The following ADAMTSL1 variants were observed in gnomAD, a reference collection of about 807,000 sequenced individuals.
The protein encoded by ADAMTSL1 is ADAMTS like 1.
ADAMTSL1 carries 126 observed loss-of-function variants against 201.8 expected under a neutral mutation model. The observed-to-expected ratio is 0.62, with a 90% CI of 0.54 to 0.72. ADAMTSL1 has a LOEUF of 0.72. Ranked by LOEUF, ADAMTSL1 falls within the 30% of genes least tolerant of loss-of-function variation. The probability of loss-of-function intolerance (pLI) is 0.00; values close to 1 mark genes in which losing one functional copy is unlikely to be tolerated. For synonymous variants in ADAMTSL1, 1,121 were observed against 903.4 expected (o/e 1.24, Z -4.32); for missense variants, 2,679 against 2,277.8 (o/e 1.18, Z -3.59).
rs556835672 is a variant in ADAMTSL1 at position 18,833,526 on chromosome 9, T to C, written c.4249+3549T>C. On this transcript the variant is annotated intron_variant, in intron 23 of 28. Transcript: ENST00000380548. ...TTCTTTTGAAAAGCGTATGTTCACA[T>C]CTTTGCCCACTTTTTAATGCAATTG... Among the ~76,000 whole-genome samples the C allele has an allele frequency of 3.3e-5, 5 of 152,348 alleles. No homozygotes were observed. The South Asian group carries it at 8.3e-4, about 25-fold the overall frequency.
chr9:18,346,875 A>T (rs1275208008), intron 2 of ADAMTSL1, among the ~76,000 whole-genome samples: 1 of 152,160 alleles, frequency 6.6e-6, no homozygotes, highest in Non-Finnish European at 1.5e-5. Flanking sequence ...ATCCCAAAAC[A>T]GGAGATGATC....
chr9:17,943,224 G>C (rs971737377), intron 1 of ADAMTSL1, among the ~76,000 whole-genome samples: 1 of 152,144 alleles, frequency 6.6e-6, no homozygotes, highest in Non-Finnish European at 1.5e-5. Flanking sequence ...TTACAGGTGT[G>C]AGCCACTGAA....
intron 2 of ADAMTSL1, among the ~76,000 whole-genome samples, chr9:18,236,122 G>A (rs1587369871): frequency 6.6e-6 from 1 of 152,276 alleles, no homozygotes; most frequent in African/African-American, 2.4e-5. Flanking sequence ...TCGGGCTGGA[G>A]TGCAGTGGCA....
chr9:18,274,119 T>G (rs1056903783), intron 2 of ADAMTSL1, among the ~76,000 whole-genome samples: 1 of 152,244 alleles, frequency 6.6e-6, no homozygotes, highest in Non-Finnish European at 1.5e-5. Context: ...CTCTCACTTG[T>G]ATTGCAAAAG....
chr9:18,455,036 A>T (rs1355163587), intron 2 of ADAMTSL1, among the ~76,000 whole-genome samples: 1 of 152,176 alleles, frequency 6.6e-6, no homozygotes, highest in Non-Finnish European at 1.5e-5. Context: ...TGTGAATATT[A>T]TCTGTATGCC....
At chr9:18,771,038 C>G (rs11793532) in intron 17 of ADAMTSL1, among the ~76,000 whole-genome samples, 19,563 of 152,120 alleles carry the variant, frequency 0.13, 1,544 homozygotes, top group Non-Finnish European at 0.17. Flanking sequence ...CAAAACCAGA[C>G]CTCATTGGTG....
intron 1 of ADAMTSL1, among the ~76,000 whole-genome samples, chr9:18,098,399 G>T (rs748499093): frequency 2.6e-5 from 4 of 152,102 alleles, no homozygotes; most frequent in Non-Finnish European, 5.9e-5. Context: ...TTTTAAAAAT[G>T]TAGATCTTTA....
intron 23 of ADAMTSL1, among the ~76,000 whole-genome samples, chr9:18,877,475 T>C (rs1320150258): frequency 6.6e-6 from 1 of 152,192 alleles, no homozygotes; most frequent in Non-Finnish European, 1.5e-5. Context: ...TTCTGGGAGC[T>C]GAACTGCAGT....
At chr9:18,605,338 C>T (rs559149400) in intron 4 of ADAMTSL1, among the ~76,000 whole-genome samples, 2 of 152,262 alleles carry the variant, frequency 1.3e-5, no homozygotes, top group South Asian at 4.2e-4. Context: ...CAAAATGAGC[C>T]TTTTTTCCCT....
chr9:18,002,638 T>A (rs979541696), intron 1 of ADAMTSL1, among the ~76,000 whole-genome samples: 2 of 152,046 alleles, frequency 1.3e-5, no homozygotes, highest in African/African-American at 4.8e-5. Context: ...AGTTTGGGAA[T>A]GATAATAATG....
At chr9:18,900,542 G>A (rs1207596325) in intron 26 of ADAMTSL1, among the ~76,000 whole-genome samples, 1 of 152,034 alleles carries the variant, frequency 6.6e-6, no homozygotes, top group Non-Finnish European at 1.5e-5. Context: ...GCCCATCAAG[G>A]GTAGACTGGA....
intron 2 of ADAMTSL1, among the ~76,000 whole-genome samples, chr9:18,230,179 A>G (rs531340766): frequency 1.3e-5 from 2 of 152,302 alleles, no homozygotes; most frequent in African/African-American, 4.8e-5. Flanking sequence ...CAGAGGTGAG[A>G]CATCTTTGTA....
chr9:18,023,970 T>C (rs1820588398), intron 1 of ADAMTSL1, among the ~76,000 whole-genome samples: 1 of 152,112 alleles, frequency 6.6e-6, no homozygotes, highest in South Asian at 2.1e-4. Flanking sequence ...ATTAAAGTAC[T>C]TTTCTTTTAT....
At chr9:18,035,232 C>T (rs1017143833) in intron 1 of ADAMTSL1, among the ~76,000 whole-genome samples, 14 of 152,320 alleles carry the variant, frequency 9.2e-5, no homozygotes, top group Admixed American at 2.0e-4. Flanking sequence ...GCATAGACAG[C>T]GGCTTTTTAT....
chr9:18,518,065 T>C (rs1314314155), intron 2 of ADAMTSL1, among the ~76,000 whole-genome samples: 1 of 152,106 alleles, frequency 6.6e-6, no homozygotes, highest in Non-Finnish European at 1.5e-5. Context: ...GCACTAACAG[T>C]ACACCAAGCA....
intron 2 of ADAMTSL1, among the ~76,000 whole-genome samples, chr9:18,182,298 AAG>A (rs1319446190): frequency 3.9e-5 from 6 of 152,106 alleles, no homozygotes; most frequent in African/African-American, 1.4e-4. Context: ...AAAAAAAAAA[AAG>A]AAGAATTAGA....
At chr9:18,515,205 A>C (rs1818290782) in intron 2 of ADAMTSL1, among the ~76,000 whole-genome samples, 1 of 152,194 alleles carries the variant, frequency 6.6e-6, no homozygotes, top group Non-Finnish European at 1.5e-5. Context: ...AAGCTCTCCA[A>C]ATGATTTTAG....
At chr9:18,894,345 CTTT>C (rs56112949) in intron 26 of ADAMTSL1, among the ~76,000 whole-genome samples, 1 of 124,034 alleles carries the variant, frequency 8.1e-6, no homozygotes. Context: ...AAAACCTTGT[CTTT>C]TTTTTTTTTT....
chr9:18,531,934 C>G (rs1819469941), intron 2 of ADAMTSL1, among the ~76,000 whole-genome samples: 1 of 152,130 alleles, frequency 6.6e-6, no homozygotes, highest in Non-Finnish European at 1.5e-5. Flanking sequence ...CTTAACCTTC[C>G]TAAGCTTCGG....
Sources: allele counts gnomAD v4.1 joint callset (sites outside exome capture counted in the v4.1 genomes callset), GRCh38; gene constraint gnomAD v4.1.1; transcripts MANE v1.5; gene names NCBI Gene and HGNC (gene_info 2026-07-23, HGNC 2026-07-21).